Variants in JARID2 observed in about 807,000 individuals in gnomAD.
JARID2 encodes protein Jumonji.
Under a neutral mutation model 125.6 loss-of-function variants are expected in JARID2, and 21 were observed. The observed-to-expected ratio is 0.17, with a 90% CI of 0.12 to 0.24. JARID2 has a LOEUF of 0.24. Ranked by LOEUF, JARID2 falls within the 10% of genes least tolerant of loss-of-function variation. JARID2 has a pLI of 1.00. For missense variants in JARID2, 1,303 were observed against 1,639.6 expected, an observed-to-expected ratio of 0.79 and a Z score of 3.55; for synonymous variants, 736 against 661.6, an observed-to-expected ratio of 1.11 and a Z score of -1.73.
chr6:15,285,096 G>C, intron 1 of JARID2, among the ~76,000 whole-genome samples: 1 of 140,074 alleles, frequency 7.1e-6, no homozygotes. Flanking sequence ...ATTAATGTGA[G>C]TCTTTCTGGG....
At chr6:15,266,862 A>T (rs1464464010) in intron 1 of JARID2, among the ~76,000 whole-genome samples, 1 of 152,150 alleles carries the variant, frequency 6.6e-6, no homozygotes, top group Non-Finnish European at 1.5e-5. Flanking sequence ...GCGCCAGCTG[A>T]CCACTGGTTG....
In JARID2 at chr6:15,358,406, G is replaced by A. The variant is rs138443097; in HGVS notation, c.46-15711G>A. The stretch of plus-strand genomic sequence containing the variant: ...TAAATAAATGAAGAATCACAACAGA[G>A]TTTCCCGATACTGGTACTAACACAC... On this transcript the variant is annotated intron_variant, in intron 1 of 17. Coordinates refer to ENST00000341776, the MANE Select transcript of JARID2 (RefSeq NM_004973.4). Among the ~76,000 whole-genome samples, 218 of 152,286 alleles carry A rather than the reference G, an allele frequency of 1.4e-3. 1 individual carries two copies. The highest frequency in any genetic ancestry group is 4.9e-3 in the African/African-American group (205 of 41,562).
intron 3 of JARID2, among the ~76,000 whole-genome samples, chr6:15,449,020 C>G (rs1767796619): frequency 6.6e-6 from 1 of 151,306 alleles, no homozygotes; most frequent in African/African-American, 2.4e-5. Flanking sequence ...AGGGGAAAAA[C>G]AACCAAGCAG....
intron 12 of JARID2, among the ~76,000 whole-genome samples, chr6:15,510,354 T>C (rs557310685): frequency 6.1e-4 from 93 of 151,850 alleles, no homozygotes; most frequent in African/African-American, 2.2e-3. Context: ...CACATCCCCC[T>C]CATTCATGCT....
intron 2 of JARID2, among the ~76,000 whole-genome samples, chr6:15,382,807 C>T (rs1764641108): frequency 6.6e-6 from 1 of 152,190 alleles, no homozygotes; most frequent in Non-Finnish European, 1.5e-5. Flanking sequence ...TTAATGTGCT[C>T]CTCTTTCGGG....
At chr6:15,365,848 T>C (rs1763955671) in intron 1 of JARID2, among the ~76,000 whole-genome samples, 1 of 152,206 alleles carries the variant, frequency 6.6e-6, no homozygotes, top group Non-Finnish European at 1.5e-5. Flanking sequence ...CTCAAGATGT[T>C]TCCTGGCCCC....
At chr6:15,514,097 ACCT>A (rs1401128830) in intron 16 of JARID2, among the ~76,000 whole-genome samples, 1 of 151,814 alleles carries the variant, frequency 6.6e-6, no homozygotes, top group Non-Finnish European at 1.5e-5. Flanking sequence ...AATACCAAAC[ACCT>A]CCTCCCCCTG....
intron 4 of JARID2, among the ~76,000 whole-genome samples, chr6:15,452,522 G>T (rs1260069313): frequency 1.3e-5 from 2 of 151,328 alleles, no homozygotes; most frequent in Admixed American, 6.6e-5. Context: ...TTGTAAGGCA[G>T]TTTTTTTTTG....
chr6:15,402,903 GGA>G (rs1179456227), intron 2 of JARID2, among the ~76,000 whole-genome samples: 1 of 152,148 alleles, frequency 6.6e-6, no homozygotes, highest in Non-Finnish European at 1.5e-5. Context: ...AATGAAGTGT[GGA>G]CCCAGAGCAG....
At chr6:15,342,065 A>C (rs1763087700) in intron 1 of JARID2, among the ~76,000 whole-genome samples, 1 of 152,072 alleles carries the variant, frequency 6.6e-6, no homozygotes, top group African/African-American at 2.4e-5. Flanking sequence ...TGTGGTATCC[A>C]TTTTTCTTTT....
chr6:15,335,473 TAGTGCTGTTTAGAACTTCAC>T lies in JARID2; in HGVS notation c.46-38642_46-38623del, dbSNP rs1487139875. 3.9e-5 allele frequency among the ~76,000 whole-genome samples: 6 copies of T among 152,306 alleles called. No homozygotes were observed. In the South Asian group the frequency reaches 1.2e-3, roughly 32 times the overall value. ...TTGCTTCTGGCAGGTCAGCCTCCTA[TAGTGCTGTTTAGAACTTCAC>T]ATTTGACAGGTTTGACTGTTTTAGA... On this transcript the variant is annotated intron_variant, in intron 1 of 17. Coordinates refer to ENST00000341776, the MANE Select transcript of JARID2 (RefSeq NM_004973.4).
intron 1 of JARID2, among the ~76,000 whole-genome samples, chr6:15,272,528 G>A (rs1362698918): frequency 3.3e-5 from 5 of 152,158 alleles, no homozygotes; most frequent in Admixed American, 1.3e-4. Context: ...AGCATTTTAC[G>A]TATTCACTTC....
chr6:15,266,152 A>T (rs1760075615), intron 1 of JARID2, among the ~76,000 whole-genome samples: 1 of 152,158 alleles, frequency 6.6e-6, no homozygotes, highest in Non-Finnish European at 1.5e-5. Context: ...TTACCTTAGG[A>T]AGTCTCTGGA....
intron 13 of JARID2, 55 bp from the exon 14 acceptor site, chr6:15,512,153 T>C (rs1186475506): frequency 1.3e-6 from 2 of 1,523,952 alleles, no homozygotes; most frequent in Non-Finnish European, 1.8e-6. Context: ...ACCTGAAGAC[T>C]GCAGGTGTCC....
chr6:15,466,657 G>A (rs952867860), intron 4 of JARID2, among the ~76,000 whole-genome samples: 4 of 152,226 alleles, frequency 2.6e-5, no homozygotes, highest in African/African-American at 9.6e-5. Context: ...TATTTGATTA[G>A]ATAACCTGTC....
rs576424376 is a variant in JARID2 at position 15,483,815 on chromosome 6, T to G, written c.671-3492T>G. On this transcript the variant is annotated intron_variant, in intron 5 of 17. Coordinates refer to ENST00000341776, the MANE Select transcript of JARID2 (RefSeq NM_004973.4). ...ATGGGAACTCCTACGTTTCTCCTTTTGAGGAGCTATCTGAAAAGGAGAAAC... is the reference window on the plus strand; with the variant it reads ...ATGGGAACTCCTACGTTTCTCCTTTGGAGGAGCTATCTGAAAAGGAGAAAC... Among the ~76,000 whole-genome samples the G allele has an allele frequency of 3.3e-5, 5 of 152,314 alleles. No individual in the cohort carries two copies. In the East Asian group the frequency reaches 9.6e-4, roughly 29 times the overall value.
intron 4 of JARID2, among the ~76,000 whole-genome samples, chr6:15,465,091 G>C (rs1286541955): frequency 6.6e-6 from 1 of 152,090 alleles, no homozygotes; most frequent in East Asian, 1.9e-4. Context: ...TCACATATTC[G>C]TATTTGCCGA....
chr6:15,326,504 G>T (rs959071710), intron 1 of JARID2, among the ~76,000 whole-genome samples: 8 of 152,140 alleles, frequency 5.3e-5, no homozygotes, highest in Admixed American at 1.3e-4. Context: ...CAGTATTAAT[G>T]TTTTTATTTT....
chr6:15,306,877 A>C (rs1031012960), intron 1 of JARID2, among the ~76,000 whole-genome samples: 4 of 148,322 alleles, frequency 2.7e-5, no homozygotes, highest in African/African-American at 9.8e-5. Flanking sequence ...GTTAATATAT[A>C]TATTTTATAT....
Sources: gnomAD v4.1 joint callset for allele counts (sites outside exome capture counted in the v4.1 genomes callset) on GRCh38, gnomAD v4.1.1 for gene constraint, MANE v1.5 for transcripts, NCBI Gene and HGNC (gene_info 2026-07-23, HGNC 2026-07-21) for gene names.